Variants in TLCD4 observed in about 807,000 individuals in gnomAD.
TLCD4 encodes the protein TLC domain containing 4, also known as TLC domain-containing protein 4.
In TLCD4, 7 loss-of-function variants were observed where a neutral mutation model predicts 24.2. The ratio of observed to expected loss-of-function variants is 0.29; its 90% CI spans 0.16 to 0.54. TLCD4 has a LOEUF of 0.54. Ranked by LOEUF, TLCD4 falls within the 20% of genes least tolerant of loss-of-function variation. The pLI is 0.95. For synonymous variants in TLCD4, 103 were observed against 106.4 expected (o/e 0.97, Z 0.20); for missense variants, 259 against 313.9 (o/e 0.82, Z 1.32).
At chr1:95,182,417 A>G (rs886550429) in intron 6 of TLCD4, among the ~76,000 whole-genome samples, 1 of 152,126 alleles carries the variant, frequency 6.6e-6, no homozygotes, top group African/African-American at 2.4e-5. Context: ...ATTTTATCAT[A>G]CAGAATATTA....
chr1:95,141,792 T>TACACACACACAC (rs3075917), intron 1 of TLCD4, among the ~76,000 whole-genome samples: 11,410 of 138,464 alleles, frequency 0.082, 638 homozygotes, highest in Middle Eastern at 0.13. Flanking sequence ...TTTTACCAAG[T>TACACACACACAC]ACACACACAC....
intron 5 of TLCD4, chr1:95,165,059 T>C (rs1158580784): frequency 4.6e-5 from 7 of 152,290 alleles, no homozygotes; most frequent in Non-Finnish European, 2.9e-5. Context: ...TCTGAACAGA[T>C]TGCTGTCTGT....
chr1:95,151,866 A>G (rs181405668), intron 5 of TLCD4, among the ~76,000 whole-genome samples: 2 of 152,294 alleles, frequency 1.3e-5, no homozygotes, highest in Non-Finnish European at 1.5e-5. Context: ...AGACTTTTTC[A>G]GAATTCCAAG....
the TLCD4 span, among the ~76,000 whole-genome samples, chr1:95,103,456 A>G: frequency 2.6e-5 from 4 of 152,222 alleles, no homozygotes; most frequent in African/African-American, 9.6e-5. Context: ...TGAAATGTTT[A>G]GAGATAATTT....
At chr1:95,146,179 G>C (rs1677341975) in intron 2 of TLCD4, among the ~76,000 whole-genome samples, 1 of 151,702 alleles carries the variant, frequency 6.6e-6, no homozygotes, top group African/African-American at 2.4e-5. Context: ...AAATGGAGGA[G>C]AAAAAATCAC....
At chr1:95,173,760 T>G in intron 5 of TLCD4, 56 bp from the exon 6 acceptor site, 1 of 1,609,952 alleles carries the variant, frequency 6.2e-7, no homozygotes, top group South Asian at 1.1e-5. Context: ...CTACGGTATT[T>G]GGGAATTTTG....
At chr1:95,144,379 C>G (rs1394590708) in intron 2 of TLCD4, among the ~76,000 whole-genome samples, 1 of 152,038 alleles carries the variant, frequency 6.6e-6, no homozygotes, top group Non-Finnish European at 1.5e-5. Flanking sequence ...TCTTTGGAAA[C>G]AAAGATGGAA....
intron 6 of TLCD4, among the ~76,000 whole-genome samples, chr1:95,178,646 T>C (rs72722168): frequency 0.01 from 1,441 of 143,154 alleles, 14 homozygotes; most frequent in African/African-American, 0.024. Context: ...CCTCCCAAGG[T>C]GTCAGCTCTT....
chr1:95,160,681 A>G (rs968483609), intron 5 of TLCD4, among the ~76,000 whole-genome samples: 1 of 152,204 alleles, frequency 6.6e-6, no homozygotes, highest in African/African-American at 2.4e-5. Context: ...CATCCCATCA[A>G]TACCTAGTTT....
At chr1:95,114,401 G>T (rs1417487034), upstream of TLCD4, among the ~76,000 whole-genome samples, 2 of 152,030 alleles carry the variant, frequency 1.3e-5, no homozygotes, top group South Asian at 2.1e-4. Flanking sequence ...GAGAATTAAG[G>T]CAACTTCTCA....
At position 95,194,531 on chromosome 1, in the gene TLCD4, T is replaced by C. The variant is rs1040337518; in HGVS notation, c.*2663T>C. ...ACACGGATTAATTTAAATGATTCTA[T>C]CAGGCATTCTGATATTTAACAACTC... On this transcript the variant is annotated 3_prime_UTR_variant, in exon 7 of 7. Transcript: ENST00000370203. 35 of 152,148 alleles carry C rather than the reference T, an allele frequency of 2.3e-4. No homozygotes were observed. The highest frequency in any genetic ancestry group is 8.2e-4 in the African/African-American group (34 of 41,464). 9.4% of individuals were successfully genotyped at this position (152,148 alleles called of 1,614,324 possible).
intron 5 of TLCD4, among the ~76,000 whole-genome samples, chr1:95,157,540 C>T (rs574059828): frequency 6.6e-6 from 1 of 152,060 alleles, no homozygotes; most frequent in Non-Finnish European, 1.5e-5. Context: ...TCCATTGACT[C>T]GTAAGTTCTT....
intron 6 of TLCD4, among the ~76,000 whole-genome samples, chr1:95,180,064 CTT>C (rs1253207099): frequency 6.6e-6 from 1 of 152,186 alleles, no homozygotes; most frequent in Non-Finnish European, 1.5e-5. Flanking sequence ...TTTTGTTAAA[CTT>C]TGCATGGTCC....
chr1:95,121,076 A>C (rs1676555227), intron 1 of TLCD4: 1 of 152,228 alleles, frequency 6.6e-6, no homozygotes, highest in Non-Finnish European at 1.5e-5. Flanking sequence ...ACATAGATGA[A>C]ATGATGGGAC....
At chr1:95,130,015 A>G (rs1676844382) in intron 1 of TLCD4, among the ~76,000 whole-genome samples, 1 of 152,222 alleles carries the variant, frequency 6.6e-6, no homozygotes, top group Admixed American at 6.5e-5. Flanking sequence ...GTCTCTTCAC[A>G]TACAATTAAA....
At chr1:95,113,653 G>A (rs1676379541), upstream of TLCD4, among the ~76,000 whole-genome samples, 1 of 152,048 alleles carries the variant, frequency 6.6e-6, no homozygotes, top group South Asian at 2.1e-4. Context: ...TCACTTATGT[G>A]TGTTACTTTC....
intron 1 of TLCD4, among the ~76,000 whole-genome samples, chr1:95,143,285 C>T (rs1334553165): frequency 1.3e-5 from 2 of 152,120 alleles, no homozygotes; most frequent in African/African-American, 2.4e-5. Context: ...CTTAGGTTCC[C>T]TGCCTCCAGA....
Position 95,182,461 on chromosome 1 carries a change from A to G in TLCD4, c.473+8572A>G, listed in dbSNP as rs546939694. 5.3e-5 allele frequency among the ~76,000 whole-genome samples: 8 copies of G among 152,292 alleles called. No individual in the cohort carries two copies. The East Asian group carries it at 1.3e-3, about 26-fold the overall frequency. On this transcript the variant is annotated intron_variant, in intron 6 of 6. Transcript: ENST00000370203. ...CATACTCAGAAGTCATCTAATAAAA[A>G]TAATAAATAATTCTTACTGCTTCAT... is the stretch of plus-strand genomic sequence containing the variant.
intron 5 of TLCD4, among the ~76,000 whole-genome samples, chr1:95,154,438 G>T (rs1434729328): frequency 6.6e-6 from 1 of 152,116 alleles, no homozygotes; most frequent in South Asian, 2.1e-4. Context: ...GTGTCCCTGG[G>T]TAAGGATTAC....
Sources: allele counts gnomAD v4.1 joint callset (sites outside exome capture counted in the v4.1 genomes callset), GRCh38; gene constraint gnomAD v4.1.1; transcripts MANE v1.5; gene names NCBI Gene and HGNC (gene_info 2026-07-23, HGNC 2026-07-21).